Variants in RAPGEF5 observed in about 807,000 individuals in gnomAD.
RAPGEF5 encodes the protein Rap guanine nucleotide exchange factor 5, also known as M-Ras-regulated GEF.
In RAPGEF5, 65 loss-of-function variants were observed where a neutral mutation model predicts 125.2. The observed-to-expected ratio is 0.52, with a 90% CI of 0.43 to 0.64. The LOEUF is 0.64. RAPGEF5 is among the 30% of genes least tolerant of loss of function. The pLI, the probability that RAPGEF5 is intolerant of heterozygous loss-of-function variation, is 0.00. For missense variants in RAPGEF5, 958 were observed against 1,048.1 expected (o/e 0.91, Z 1.19); for synonymous variants, 391 against 385.9 (o/e 1.01, Z -0.16).
In RAPGEF5 at chr7:22,341,811, T is replaced by C. The variant is rs562913855; in HGVS notation, c.231+15019A>G. Among the ~76,000 whole-genome samples the C allele has an allele frequency of 5.9e-5, 9 of 152,352 alleles. No homozygotes were observed. In the South Asian group the frequency reaches 1.9e-3, roughly 32 times the overall value. On this transcript the variant is annotated intron_variant, in intron 1 of 25. Transcript: ENST00000665637. The stretch of plus-strand genomic sequence containing the variant: ...ACAGCCTTGGGCAGCTCCACCCCTG[T>C]GGCTTTGCAGGGTATATTCCCCTCC...
intron 11 of RAPGEF5, 186 bp downstream of exon 11, chr7:22,193,181 G>A (rs1431670808): frequency 1.3e-5 from 8 of 628,958 alleles, no homozygotes; most frequent in Non-Finnish European, 2.2e-5. Flanking sequence ...GGAGCTGCTT[G>A]GGATCTACAT....
intron 25 of RAPGEF5, among the ~76,000 whole-genome samples, chr7:22,122,856 G>A (rs538363419): frequency 6.6e-6 from 1 of 152,318 alleles, no homozygotes; most frequent in Admixed American, 6.5e-5. Flanking sequence ...TTCGGACCCA[G>A]GACAGATGGT....
intron 24 of RAPGEF5, among the ~76,000 whole-genome samples, chr7:22,128,275 T>C (rs1029997947): frequency 6.6e-5 from 10 of 152,122 alleles, no homozygotes; most frequent in Admixed American, 2.6e-4. Flanking sequence ...CAGTTTGAGA[T>C]GAAAACATTT....
At chr7:22,298,176 T>TG (rs1783109568) in intron 5 of RAPGEF5, among the ~76,000 whole-genome samples, 1 of 114,876 alleles carries the variant, frequency 8.7e-6, no homozygotes, top group Non-Finnish European at 1.7e-5. Flanking sequence ...TTGTTCTGTT[T>TG]TTTGTTTTTT....
chr7:22,170,865 C>T (rs2128117094), intron 11 of RAPGEF5, among the ~76,000 whole-genome samples: 1 of 152,256 alleles, frequency 6.6e-6, no homozygotes. Context: ...TATATAAAAA[C>T]AGCTCCAGTT....
At chr7:22,209,977 C>T (rs1352795020) in intron 9 of RAPGEF5, among the ~76,000 whole-genome samples, 1 of 152,176 alleles carries the variant, frequency 6.6e-6, no homozygotes, top group Non-Finnish European at 1.5e-5. Flanking sequence ...GTGACTAATG[C>T]ACTTCCAAAA....
intron 20 of RAPGEF5, among the ~76,000 whole-genome samples, chr7:22,144,094 G>T (rs1783351670): frequency 6.6e-6 from 1 of 152,190 alleles, no homozygotes; most frequent in Non-Finnish European, 1.5e-5. Context: ...CTTCTGCTGG[G>T]GAGCTGTCCA....
intron 1 of RAPGEF5, among the ~76,000 whole-genome samples, chr7:22,322,730 A>G (rs1783740877): frequency 6.6e-6 from 1 of 152,200 alleles, no homozygotes; most frequent in African/African-American, 2.4e-5. Flanking sequence ...AAATAGAACC[A>G]TCTGGGAAGC....
chr7:22,171,618 C>A (rs183289737), intron 11 of RAPGEF5, among the ~76,000 whole-genome samples: 1 of 152,342 alleles, frequency 6.6e-6, no homozygotes, highest in Non-Finnish European at 1.5e-5. Flanking sequence ...CCGGCCTCAG[C>A]CTCCTGAGTA....
At chr7:22,200,045 C>G (rs921650395) in intron 9 of RAPGEF5, among the ~76,000 whole-genome samples, 5 of 152,168 alleles carry the variant, frequency 3.3e-5, no homozygotes, top group Non-Finnish European at 7.3e-5. Context: ...AGTGTTGGCT[C>G]TCCTAAATAG....
In RAPGEF5 at chr7:22,356,915, G is replaced by A; in HGVS notation, c.146C>T (p.Ser49Leu). The change falls in exon 1 of 26, where the codon TCG (serine) becomes TTG (leucine). Residue 49 changes from serine to leucine, a missense_variant. Coordinates refer to ENST00000665637, the MANE Select transcript of RAPGEF5 (RefSeq NM_012294.5). ...CAGGTCCCTCAGCCGCGGCCGCAGC[G>A]ACGCCGGCGGCTGCTCGCGCTCGGG... ...REPEREQPPA[S>L]LRPRLRDLPA... 9.1e-7 allele frequency: 1 copy of A among 1,097,072 alleles called. No homozygotes were observed. The highest frequency in any genetic ancestry group is 1.1e-6 in the Non-Finnish European group (1 of 903,442). 68.0% of individuals were successfully genotyped at this position (1,097,072 alleles called of 1,614,324 possible). A position where few individuals can be genotyped will look rare whatever the true frequency, so the allele number is the denominator to read the frequency against.
intron 11 of RAPGEF5, among the ~76,000 whole-genome samples, chr7:22,180,133 T>G (rs1042956679): frequency 7.2e-5 from 11 of 152,196 alleles, no homozygotes; most frequent in Non-Finnish European, 1.6e-4. Context: ...CGTTAAAACA[T>G]AGTATGTCCA....
chr7:22,149,186 A>G (rs952687411), intron 18 of RAPGEF5, among the ~76,000 whole-genome samples: 4 of 152,346 alleles, frequency 2.6e-5, no homozygotes, highest in East Asian at 1.9e-4. Context: ...TAAATTACTC[A>G]GCACATACAG....
intron 1 of RAPGEF5, among the ~76,000 whole-genome samples, chr7:22,328,788 T>G (rs1583582057): frequency 6.6e-6 from 1 of 152,186 alleles, no homozygotes; most frequent in African/African-American, 2.4e-5. Context: ...GCCTCTTACT[T>G]TCTTGGCGGA....
At chr7:22,323,852 A>G (rs1783762073) in intron 1 of RAPGEF5, among the ~76,000 whole-genome samples, 1 of 152,248 alleles carries the variant, frequency 6.6e-6, no homozygotes, top group Non-Finnish European at 1.5e-5. Context: ...GATCAGGAAG[A>G]AAGGACAGCC....
At chr7:22,277,647 C>A (rs1782587512) in intron 6 of RAPGEF5, among the ~76,000 whole-genome samples, 1 of 152,118 alleles carries the variant, frequency 6.6e-6, no homozygotes. Context: ...GGCTGAGGTA[C>A]CTGTTTCCTT....
intron 12 of RAPGEF5, among the ~76,000 whole-genome samples, chr7:22,165,638 T>A (rs79845539): frequency 6.6e-6 from 1 of 152,080 alleles, no homozygotes; most frequent in South Asian, 2.1e-4. Context: ...TGTTTGCTCA[T>A]AGGATATAGT....
chr7:22,341,801 TC>T (rs1374159851), intron 1 of RAPGEF5, among the ~76,000 whole-genome samples: 2 of 152,246 alleles, frequency 1.3e-5, no homozygotes, highest in Non-Finnish European at 2.9e-5. Context: ...CTTGGGCAGC[TC>T]CACCCCTGTG....
intron 7 of RAPGEF5, among the ~76,000 whole-genome samples, chr7:22,259,863 G>T (rs375058693): frequency 6.6e-6 from 1 of 152,186 alleles, no homozygotes; most frequent in Non-Finnish European, 1.5e-5. Context: ...CTCCCAAAGC[G>T]CTAGGATTAC....
Sources: allele counts gnomAD v4.1 joint callset (sites outside exome capture counted in the v4.1 genomes callset), GRCh38; gene constraint gnomAD v4.1.1; transcripts MANE v1.5; gene names NCBI Gene and HGNC (gene_info 2026-07-23, HGNC 2026-07-21).